Variants in LNPEP observed in about 807,000 individuals in gnomAD.
The protein encoded by LNPEP is leucyl-cystinyl aminopeptidase.
In LNPEP, 64 loss-of-function variants were observed where a neutral mutation model predicts 120.6. The observed-to-expected ratio is 0.53, with a 90% CI of 0.43 to 0.65. The LOEUF (loss-of-function observed/expected upper bound fraction) is 0.65, where lower values mean the gene tolerates loss of function less well. LNPEP is among the 30% of genes least tolerant of loss of function. LNPEP has a pLI of 0.00. For missense variants in LNPEP, 1,057 were observed against 1,200.0 expected (o/e 0.88, Z 1.76); for synonymous variants, 435 against 425.4 (o/e 1.02, Z -0.28).
chr5:97,001,120 T>A (rs1582018016), intron 8 of LNPEP, among the ~76,000 whole-genome samples: 1 of 152,346 alleles, frequency 6.6e-6, no homozygotes, highest in Non-Finnish European at 1.5e-5. Flanking sequence ...TTGTAAAAGA[T>A]CACTCTAGTC....
In LNPEP at chr5:97,035,761, A is replaced by C. The variant is rs186993786; in HGVS notation, c.*7228A>C. The C allele has an allele frequency of 6.6e-6, 1 of 152,190 alleles. No individual in the cohort carries two copies. The highest frequency in any genetic ancestry group is 1.9e-4 in the East Asian group (1 of 5,200). 9.4% of individuals were successfully genotyped at this position (152,190 alleles called of 1,614,324 possible). On this transcript the variant is annotated 3_prime_UTR_variant, in exon 18 of 18. Transcript: ENST00000231368. ...AATAAAGACCTACTAAATCCCTGCCATCTGGCTGGAAGGTGTAGCAGTGTA... is the reference window on the plus strand; with the variant it reads ...AATAAAGACCTACTAAATCCCTGCCCTCTGGCTGGAAGGTGTAGCAGTGTA...
chr5:96,947,819 A>G (rs1789223347), intron 1 of LNPEP, among the ~76,000 whole-genome samples: 1 of 152,220 alleles, frequency 6.6e-6, no homozygotes, highest in Non-Finnish European at 1.5e-5. Context: ...TGTACAAAAA[A>G]AATCTTGGGA....
chr5:97,011,320 A>T (rs1790921807), intron 11 of LNPEP: 2 of 386,218 alleles, frequency 5.2e-6, no homozygotes, highest in Non-Finnish European at 7.1e-6. Flanking sequence ...TGACCTAGTG[A>T]TAGTTGACCT....
chr5:96,992,566 A>G (rs1482628884), intron 4 of LNPEP, among the ~76,000 whole-genome samples: 2 of 152,196 alleles, frequency 1.3e-5, no homozygotes, highest in Non-Finnish European at 2.9e-5. Flanking sequence ...AGTGCCTGCT[A>G]GATGCCAGGC....
intron 12 of LNPEP, among the ~76,000 whole-genome samples, chr5:97,014,373 C>T (rs899611284): frequency 1.3e-5 from 2 of 152,168 alleles, no homozygotes; most frequent in Admixed American, 6.5e-5. Context: ...TGTTCCTTCT[C>T]ATCTCCCTGG....
chr5:96,999,584 A>T (rs746199215), intron 8 of LNPEP, among the ~76,000 whole-genome samples: 1 of 152,146 alleles, frequency 6.6e-6, no homozygotes, highest in African/African-American at 2.4e-5. Flanking sequence ...AGGTTCTGTT[A>T]TTATACCAAA....
chr5:96,984,427 A>G (rs1200470021), intron 2 of LNPEP, among the ~76,000 whole-genome samples: 6 of 152,082 alleles, frequency 3.9e-5, no homozygotes, highest in African/African-American at 1.4e-4. Flanking sequence ...GATTACCCTT[A>G]TGTTGTCTCC....
rs935010037 is a variant in LNPEP at position 97,034,060 on chromosome 5, G to A, written c.*5527G>A. 7.2e-5 allele frequency: 11 copies of A among 151,768 alleles called. No homozygotes were observed. The highest frequency in any genetic ancestry group is 2.4e-4 in the African/African-American group (10 of 41,306). The allele number at this position is 151,768 out of a possible 1,614,324, so 9.4% of individuals were successfully genotyped here. A position where few individuals can be genotyped will look rare whatever the true frequency, so the allele number is the denominator to read the frequency against. On this transcript the variant is annotated 3_prime_UTR_variant, in exon 18 of 18. Transcript: ENST00000231368. ...TACCCAGTCCATTGCTTGGACTTAC[G>A]GGTACCTAATGAAACGTGGAGGTCC...
rs3797795 is a variant in LNPEP, at chr5:96,985,769, T to G, written c.999+551T>G. Reference sequence around the variant, plus strand: ...GGGGGTCTTTTTTTGTTTTTTTTTTTTTGGTCTTAGACACCTGAGGGACTG... The same window carrying G: ...GGGGGTCTTTTTTTGTTTTTTTTTTGTTGGTCTTAGACACCTGAGGGACTG... On this transcript the variant is annotated intron_variant, in intron 3 of 17. Transcript: ENST00000231368. 8.9e-3 allele frequency among the ~76,000 whole-genome samples: 1,348 copies of G among 151,562 alleles called. 27 individuals carry two copies. The highest frequency in any genetic ancestry group is 0.065 in the East Asian group (336 of 5,170).
chr5:96,941,888 G>A (rs1346261284), intron 1 of LNPEP, among the ~76,000 whole-genome samples: 1 of 152,186 alleles, frequency 6.6e-6, no homozygotes, highest in Non-Finnish European at 1.5e-5. Flanking sequence ...AAGCTGATAG[G>A]CAGAGATTTT....
rs1791520936 is a variant in LNPEP at position 97,033,901 on chromosome 5, G to A, written c.*5368G>A. On this transcript the variant is annotated 3_prime_UTR_variant, in exon 18 of 18. Transcript: ENST00000231368. ...TCTGTTCTCCCTTTACCCTTTTAAT[G>A]TATATGGGCAATAATTTTAAAGTAG... 6.6e-6 allele frequency: 1 copy of A among 151,932 alleles called. No homozygotes were observed. The highest frequency in any genetic ancestry group is 6.6e-5 in the Admixed American group (1 of 15,258). The allele number at this position is 151,932 out of a possible 1,614,324, so 9.4% of individuals were successfully genotyped here.
rs1448650349 is a variant in LNPEP, at chr5:96,985,090, G to A, written c.871G>A (p.Ala291Thr). The A allele has an allele frequency of 5.6e-6, 9 of 1,613,768 alleles. No homozygotes were observed. The highest frequency in any genetic ancestry group is 7.6e-6 in the Non-Finnish European group (9 of 1,179,868). ...TTGTGTTTGTTTTAGGTACTTTGCA[G>A]CAACTCAGTTTGAACCCCTGGCAGC... is the stretch of plus-strand genomic sequence containing the variant. ...DESNEKKYFAATQFEPLAARS... is the reference protein window; with the variant it reads ...DESNEKKYFATTQFEPLAARS... Residue 291 changes from alanine (A) to threonine (T), a missense_variant, in exon 3 of 18, where the codon GCA becomes ACA. By Grantham distance (58) the Ala-to-Thr change is moderately conservative. Transcript: ENST00000231368.
chr5:97,028,292 C>G, intron 17 of LNPEP, 110 bp from the exon 18 acceptor site: 1 of 978,384 alleles, frequency 1.0e-6, no homozygotes, highest in Non-Finnish European at 1.6e-6. Flanking sequence ...CTACTGCTTT[C>G]AAGATAGCAG....
intron 1 of LNPEP, among the ~76,000 whole-genome samples, chr5:96,967,787 T>C (rs992867763): frequency 3.3e-5 from 5 of 152,160 alleles, no homozygotes; most frequent in African/African-American, 1.2e-4. Flanking sequence ...CATTTTAATA[T>C]ATTAGATTAT....
intron 1 of LNPEP, among the ~76,000 whole-genome samples, chr5:96,951,436 T>A (rs1322099745): frequency 6.6e-6 from 1 of 152,114 alleles, no homozygotes; most frequent in Non-Finnish European, 1.5e-5. Context: ...TTTTTGTATT[T>A]TTTAGTAGAG....
chr5:97,017,436 C>T (rs976994910), intron 13 of LNPEP, among the ~76,000 whole-genome samples: 2 of 151,732 alleles, frequency 1.3e-5, no homozygotes, highest in African/African-American at 4.8e-5. Context: ...TTTTTTTACT[C>T]TCTTAATGAT....
At chr5:96,968,152 A>G (rs1215763577) in intron 1 of LNPEP, among the ~76,000 whole-genome samples, 1 of 152,070 alleles carries the variant, frequency 6.6e-6, no homozygotes, top group African/African-American at 2.4e-5. Flanking sequence ...TCCTTTTTCC[A>G]GGGTTGAGGG....
At chr5:97,024,486 CT>C (rs762977627) in intron 14 of LNPEP, 34 bp from the exon 15 acceptor site, 2 of 1,593,798 alleles carry the variant, frequency 1.3e-6, no homozygotes, top group East Asian at 4.5e-5. Context: ...AGAATATTTT[CT>C]TGTTATTCTC....
intron 1 of LNPEP, chr5:96,943,275 A>G (rs1561425735): frequency 1.2e-5 from 2 of 169,758 alleles, no homozygotes; most frequent in Non-Finnish European, 2.5e-5. Flanking sequence ...TGGGACTACC[A>G]TGGTAGCAGT....
Sources: gnomAD v4.1 joint callset for allele counts (sites outside exome capture counted in the v4.1 genomes callset) on GRCh38, gnomAD v4.1.1 for gene constraint, MANE v1.5 for transcripts, NCBI Gene and HGNC (gene_info 2026-07-23, HGNC 2026-07-21) for gene names.